Variants in LRRTM3 observed in about 807,000 individuals in gnomAD.
The protein encoded by LRRTM3 is leucine-rich repeat transmembrane neuronal protein 3.
Under a neutral mutation model 44.7 loss-of-function variants are expected in LRRTM3, and 24 were observed. That is an observed-to-expected ratio of 0.54 (90% CI 0.39 to 0.76). The LOEUF (loss-of-function observed/expected upper bound fraction) is 0.76. Ranked by LOEUF, LRRTM3 falls within the 30% of genes least tolerant of loss-of-function variation. The pLI is 0.00. For synonymous variants in LRRTM3, 277 were observed against 278.7 expected (o/e 0.99, Z 0.06); for missense variants, 587 against 702.2 (o/e 0.84, Z 1.85).
At chr10:66,960,696 C>T (rs1018489841) in intron 2 of LRRTM3, among the ~76,000 whole-genome samples, 1 of 152,104 alleles carries the variant, frequency 6.6e-6, no homozygotes, top group African/African-American at 2.4e-5. Flanking sequence ...CTCTTCATAG[C>T]ATAATATTCC....
At chr10:66,995,850 A>G (rs1181273420) in intron 2 of LRRTM3, among the ~76,000 whole-genome samples, 1 of 152,230 alleles carries the variant, frequency 6.6e-6, no homozygotes, top group Non-Finnish European at 1.5e-5. Context: ...CCACAGAGGA[A>G]ATTATACACT....
chr10:66,969,515 A>G (rs972977972), intron 2 of LRRTM3, among the ~76,000 whole-genome samples: 3 of 152,116 alleles, frequency 2.0e-5, no homozygotes, highest in African/African-American at 7.2e-5. Context: ...TTTCCTCGGG[A>G]TACATTTTTA....
chr10:66,972,098 G>C (rs1454532784), intron 2 of LRRTM3, among the ~76,000 whole-genome samples: 4 of 151,912 alleles, frequency 2.6e-5, no homozygotes, highest in Non-Finnish European at 5.9e-5. Flanking sequence ...GCTTTGTTTA[G>C]TGTTGCCATA....
At chr10:66,947,561 T>C (rs1482525866) in intron 2 of LRRTM3, among the ~76,000 whole-genome samples, 1 of 152,116 alleles carries the variant, frequency 6.6e-6, no homozygotes, top group East Asian at 1.9e-4. Context: ...GCTGAAAATA[T>C]AAAAAAGCAT....
At chr10:66,971,027 T>C (rs1849692642) in intron 2 of LRRTM3, among the ~76,000 whole-genome samples, 1 of 152,186 alleles carries the variant, frequency 6.6e-6, no homozygotes, top group Non-Finnish European at 1.5e-5. Flanking sequence ...CTATGAGTAT[T>C]TGCATTATTT....
intron 2 of LRRTM3, among the ~76,000 whole-genome samples, chr10:66,991,630 C>G (rs1031765513): frequency 1.3e-5 from 2 of 152,126 alleles, no homozygotes; most frequent in Non-Finnish European, 1.5e-5. Context: ...TGGCTCACTG[C>G]AACCTTCGCC....
intron 2 of LRRTM3, among the ~76,000 whole-genome samples, chr10:67,032,359 T>C (rs2133113679): frequency 6.6e-6 from 1 of 152,214 alleles, no homozygotes; most frequent in Non-Finnish European, 1.5e-5. Flanking sequence ...GTAAAGTAAA[T>C]TTGCCTACTT....
chr10:67,008,742 G>A (rs989444844), intron 2 of LRRTM3, among the ~76,000 whole-genome samples: 1 of 152,060 alleles, frequency 6.6e-6, no homozygotes, highest in Non-Finnish European at 1.5e-5. Context: ...GGCTAGCTCA[G>A]GCATATTCAC....
chr10:66,984,264 C>G (rs914729604), intron 2 of LRRTM3, among the ~76,000 whole-genome samples: 1 of 152,082 alleles, frequency 6.6e-6, no homozygotes, highest in South Asian at 2.1e-4. Context: ...GATTGAGAAC[C>G]AGAAATCCAG....
chr10:67,010,747 T>C (rs955057849), intron 2 of LRRTM3, among the ~76,000 whole-genome samples: 1 of 152,182 alleles, frequency 6.6e-6, no homozygotes, highest in African/African-American at 2.4e-5. Context: ...ACCAACAATG[T>C]TTGCCATACC....
At chr10:66,979,806 G>A (rs963332914) in intron 2 of LRRTM3, among the ~76,000 whole-genome samples, 17 of 152,084 alleles carry the variant, frequency 1.1e-4, no homozygotes, top group African/African-American at 4.1e-4. Context: ...TTTATTCTAT[G>A]GAGAAAAGGT....
chr10:66,944,099 T>A lies in LRRTM3; in HGVS notation c.1536+15647T>A, dbSNP rs574821604. Among the ~76,000 whole-genome samples the A allele has an allele frequency of 2.0e-5, 3 of 152,334 alleles. No homozygotes were observed. In the East Asian group the frequency reaches 5.8e-4, roughly 29 times the overall value. On this transcript the variant is annotated intron_variant, in intron 2 of 2. Transcript: ENST00000361320. ...TTGACTCTTTCATGAAAGATTTCTC[T>A]ATAGCATATGGTGTTGATTGATAGC... is the stretch of plus-strand genomic sequence containing the variant.
chr10:66,998,009 C>T (rs1452614076), intron 2 of LRRTM3, among the ~76,000 whole-genome samples: 1 of 152,190 alleles, frequency 6.6e-6, no homozygotes, highest in African/African-American at 2.4e-5. Context: ...TCTAACTGGC[C>T]TCCCTGCCCA....
At chr10:67,037,764 T>C (rs1334208205) in intron 2 of LRRTM3, among the ~76,000 whole-genome samples, 1 of 152,144 alleles carries the variant, frequency 6.6e-6, no homozygotes, top group Non-Finnish European at 1.5e-5. Flanking sequence ...TAACTCCCAA[T>C]TTTTAACTTG....
rs1331115386 is a variant in LRRTM3 at position 67,099,744 on chromosome 10, G to A, written c.*1948G>A. 4 of 152,060 alleles carry A rather than the reference G, an allele frequency of 2.6e-5. No homozygotes were observed. The highest frequency in any genetic ancestry group is 4.4e-5 in the Non-Finnish European group (3 of 67,772). 9.4% of individuals were successfully genotyped at this position (152,060 alleles called of 1,614,324 possible). ...TCAACTATTTAGCATCCCAGATTTT[G>A]TAACATATTTTGCATAAATTATTTG... On this transcript the variant is annotated 3_prime_UTR_variant, in exon 3 of 3. Transcript: ENST00000361320.
intron 2 of LRRTM3, among the ~76,000 whole-genome samples, chr10:67,006,843 G>C (rs140585884): frequency 0.023 from 3,564 of 151,950 alleles, 55 homozygotes; most frequent in Non-Finnish European, 0.036. Flanking sequence ...GCCCAGGCTG[G>C]AGTGCAGTGG....
At chr10:67,061,713 G>A (rs571030729) in intron 2 of LRRTM3, among the ~76,000 whole-genome samples, 50 of 152,324 alleles carry the variant, frequency 3.3e-4, no homozygotes, top group African/African-American at 1.2e-3. Flanking sequence ...TATTTCAGCA[G>A]TTGTGTGCAT....
chr10:67,090,126 C>A (rs1316392953), intron 2 of LRRTM3, among the ~76,000 whole-genome samples: 2 of 152,090 alleles, frequency 1.3e-5, no homozygotes, highest in African/African-American at 4.8e-5. Flanking sequence ...CAAAGGTCTT[C>A]CTGAACATTT....
At chr10:66,955,952 C>A (rs1227210699) in intron 2 of LRRTM3, among the ~76,000 whole-genome samples, 2 of 152,070 alleles carry the variant, frequency 1.3e-5, no homozygotes, top group African/African-American at 4.8e-5. Context: ...TTTAGTCATT[C>A]TGGTCATGGA....
Sources: allele counts gnomAD v4.1 joint callset (sites outside exome capture counted in the v4.1 genomes callset), GRCh38; gene constraint gnomAD v4.1.1; transcripts MANE v1.5; gene names NCBI Gene and HGNC (gene_info 2026-07-23, HGNC 2026-07-21).